Variants in SERPINB1 observed in about 807,000 individuals in gnomAD.
SERPINB1 encodes leukocyte elastase inhibitor.
A neutral mutation model predicts 25.9 loss-of-function variants in SERPINB1; 23 were observed. The observed-to-expected ratio is 0.89, with a 90% confidence interval of 0.64 to 1.26. The LOEUF (loss-of-function observed/expected upper bound fraction) is 1.26, where lower values mean the gene tolerates loss of function less well. SERPINB1 is among the 50% of genes most tolerant of loss of function. SERPINB1 has a pLI of 0.00. For missense variants in SERPINB1, 399 were observed against 463.6 expected (o/e 0.86, Z 1.28); for synonymous variants, 178 against 178.7 (o/e 1.00, Z 0.03).
chr6:2,834,931 A>G (rs1354084521), intron 6 of SERPINB1, among the ~76,000 whole-genome samples: 1 of 152,206 alleles, frequency 6.6e-6, no homozygotes, highest in Non-Finnish European at 1.5e-5. Flanking sequence ...TAGCTATTGG[A>G]CTGGAATAGA....
chr6:2,839,770 G>A (rs1288452243), intron 2 of SERPINB1, among the ~76,000 whole-genome samples: 2 of 152,208 alleles, frequency 1.3e-5, no homozygotes, highest in African/African-American at 2.4e-5. Flanking sequence ...TTATGGACAA[G>A]AAGGAAGGCT....
rs776849273 is a variant in SERPINB1, at chr6:2,840,442, T to TA, written c.144dup (p.Asn49Ter). 6.2e-7 allele frequency: 1 copy of TA among 1,614,034 alleles called. No individual in the cohort carries two copies. Among genetic ancestry groups the TA allele is most frequent in the African/African-American group, 1.3e-5 (1 of 74,938 alleles). ...ACCTTGGACAGCTGTGCTGCCGTGT[T>TA]ACCTCTGGTCCCCAGAAAAACCATG... On this transcript the variant is annotated frameshift_variant, in exon 2 of 7. Transcript: ENST00000380739. LOFTEE classifies it high-confidence loss of function.
At position 2,836,031 on chromosome 6, in the gene SERPINB1, G is replaced by GA. The variant is rs113917167; in HGVS notation, c.568-9_568-8insT. On this transcript the variant is annotated splice_polypyrimidine_tract_variant and intron_variant, in intron 5 of 6. Coordinates refer to ENST00000380739, the MANE Select transcript of SERPINB1 (RefSeq NM_030666.4). ...CACAGTTTTTCTGTCTTTCTGAACA[G>GA]TTTTAAAAAATCACTGAAATTATTC... 175 of 1,613,104 alleles carry GA rather than the reference G, an allele frequency of 1.1e-4. 1 individual carries two copies. Among genetic ancestry groups the GA allele is most frequent in the Middle Eastern group, 8.2e-4 (5 of 6,084 alleles).
chr6:2,840,397 C>T (rs145549782), intron 2 of SERPINB1, 22 bp downstream of exon 2: 28 of 1,613,228 alleles, frequency 1.7e-5, no homozygotes, highest in South Asian at 3.3e-5. Context: ...GAAAGCAGAC[C>T]CTTTTTTTTG....
chr6:2,834,286 T>C (rs1766423344), intron 6 of SERPINB1, among the ~76,000 whole-genome samples: 1 of 148,866 alleles, frequency 6.7e-6, no homozygotes, highest in Non-Finnish European at 1.5e-5. Flanking sequence ...CATCCACCCA[T>C]TTGTCCACTC....
intron 6 of SERPINB1, among the ~76,000 whole-genome samples, chr6:2,835,601 C>G (rs1401347751): frequency 2.6e-5 from 4 of 152,140 alleles, no homozygotes; most frequent in African/African-American, 7.2e-5. Flanking sequence ...ACTCAGAAGG[C>G]TGAGGCAGGA....
rs2113534604 is a variant in SERPINB1 at position 2,835,983 on chromosome 6, T to A, written c.608A>T (p.Lys203Ile). The change falls in exon 6 of 7, where the codon AAA (lysine) becomes ATA (isoleucine). Residue 203 changes from lysine to isoleucine, a missense_variant. Transcript: ENST00000380739. ...KTVKMMYQKK[K>I]FAYGYIEDLK... is the part of the protein sequence containing the mutation. ...GTCCTCGATGTAGCCATATGCAAAT[T>A]TTTTCTTCTGATACATCATTTTCAC... 1 of 1,614,190 alleles carries A rather than the reference T, an allele frequency of 6.2e-7. No individual in the cohort carries two copies. Among genetic ancestry groups the A allele is most frequent in the African/African-American group, 1.3e-5 (1 of 75,032 alleles).
Position 2,837,883 on chromosome 6 carries a change from T to A in SERPINB1, c.423A>T (p.Glu141Asp), listed in dbSNP as rs779738883. ...ATTCCATTCTGCCCAGGCTCTCACC[T>A]TCTGTCTGTCCTTTGACCCACTGGT... is the stretch of plus-strand genomic sequence containing the variant. The part of the protein sequence containing the change: ...TINQWVKGQT[E>D]GKIPELLASG... The change falls in exon 4 of 7, where the codon GAA becomes GAT. Residue 141 changes from glutamate to aspartate, a missense_variant and splice_region_variant. Coordinates refer to ENST00000380739, the MANE Select transcript of SERPINB1 (RefSeq NM_030666.4). This position sits in a 1 kb window ranked among gnomAD's most constrained non-coding sequence, Gnocchi z 4.3. The A allele has an allele frequency of 2.5e-6, 4 of 1,609,954 alleles. No individual in the cohort carries two copies. The highest frequency in any genetic ancestry group is 3.4e-6 in the Non-Finnish European group (4 of 1,176,348).
rs532393325 is a variant in SERPINB1 at position 2,839,964 on chromosome 6, A to G, written c.168+455T>C. On this transcript the variant is annotated intron_variant, in intron 2 of 6. Transcript: ENST00000380739. ...TTCCTTGCAAAAAAGCAATGCCACT[A>G]TCTCCACTATAATGCATTCCCTATG... is the stretch of plus-strand genomic sequence containing the variant. Among the ~76,000 whole-genome samples the G allele has an allele frequency of 3.9e-5, 6 of 152,362 alleles. No individual in the cohort carries two copies. In the East Asian group the frequency reaches 9.6e-4, roughly 24 times the overall value.
Position 2,837,804 on chromosome 6 carries a change from CT to C in SERPINB1, c.424+77del. 9.6e-7 allele frequency: 1 copy of C among 1,044,464 alleles called. No homozygotes were observed. Among genetic ancestry groups the C allele is most frequent in the South Asian group, 1.3e-5 (1 of 77,642 alleles). 64.7% of individuals were successfully genotyped at this position (1,044,464 alleles called of 1,614,324 possible). ...ACTGTGGGAGCTGGGGAGGGAATAACTGCAGGTAGGGAAGGCGGACTGAGGA... is the reference window on the plus strand; with the variant it reads ...ACTGTGGGAGCTGGGGAGGGAATAACGCAGGTAGGGAAGGCGGACTGAGGA... On this transcript the variant is annotated intron_variant, in intron 4 of 6. Transcript: ENST00000380739. The surrounding 1 kb of genome is among the most constrained non-coding windows in gnomAD (Gnocchi z 4.3).
At position 2,836,262 on chromosome 6, in the gene SERPINB1, T is replaced by C; in HGVS notation, c.425-12A>G. ...TTCCGGAATTTTTCCTAAAAAAAAA[T>C]CAAGTTAGCGTAAAAAAAATCCAAA... On this transcript the variant is annotated splice_polypyrimidine_tract_variant and intron_variant, in intron 4 of 6. Transcript: ENST00000380739. 1 of 1,584,634 alleles carries C rather than the reference T, an allele frequency of 6.3e-7. No individual in the cohort carries two copies. The highest frequency in any genetic ancestry group is 8.6e-7 in the Non-Finnish European group (1 of 1,168,986).
chr6:2,834,088 A>C, intron 6 of SERPINB1, 76 bp from the exon 7 acceptor site: 1 of 1,319,352 alleles, frequency 7.6e-7, no homozygotes. Flanking sequence ...TTATTGAATC[A>C]ATGGACCCAT....
rs1325318504 is a variant in SERPINB1 at position 2,841,588 on chromosome 6, G to C, written c.-9+224C>G. 1 of 152,476 alleles carries C rather than the reference G, an allele frequency of 6.6e-6. No individual in the cohort carries two copies. Among genetic ancestry groups the C allele is most frequent in the Non-Finnish European group, 1.5e-5 (1 of 68,308 alleles). The allele number at this position is 152,476 out of a possible 1,614,324, so 9.4% of individuals were successfully genotyped here. On this transcript the variant is annotated intron_variant, in intron 1 of 6. Transcript: ENST00000380739. The surrounding 1 kb of genome is among the most constrained non-coding windows in gnomAD (Gnocchi z 4.5). ...CCCTCCCTCCCTCGCGGGCTGGCCC[G>C]GCCTGTACCCAGGCGGGGGCGGGGG...
chr6:2,838,549 A>G lies in SERPINB1; in HGVS notation c.306T>C (p.Pro102=), dbSNP rs374569264. The change falls in exon 3 of 7, where the codon CCT becomes CCC. Residue 102 remains proline (P), a splice_region_variant and synonymous_variant. Transcript: ENST00000380739. ...LYGEKTYNFL[P]EFLVSTQKTY... ...AGAATGTGAAGGGCAAAGTACTTACAGGAAGGAAATTGTAAGTTTTCTCTC... is the reference window on the plus strand; with the variant it reads ...AGAATGTGAAGGGCAAAGTACTTACGGGAAGGAAATTGTAAGTTTTCTCTC... 25 of 1,595,476 alleles carry G rather than the reference A, an allele frequency of 1.6e-5. No homozygotes were observed. Among genetic ancestry groups the G allele is most frequent in the Non-Finnish European group, 2.0e-5 (24 of 1,171,986 alleles).
intron 4 of SERPINB1, 54 bp from the exon 5 acceptor site, chr6:2,836,304 G>C (rs1766493409): frequency 2.6e-6 from 4 of 1,531,228 alleles, no homozygotes; most frequent in Non-Finnish European, 2.6e-6. Flanking sequence ...TTCCAAATTT[G>C]AACTGACAAT....
Position 2,833,752 on chromosome 6 carries a change from C to A in SERPINB1, c.996G>T (p.Glu332Asp), listed in dbSNP as rs1282507987. ...SFVEVNEEGT[E>D]AAAATAGIAT... The stretch of plus-strand genomic sequence containing the variant: ...CGATGCCTGCTGTGGCAGCTGCCGC[C>A]TCTGTTCCCTCTTCATTCACTTCCA... The change falls in exon 7 of 7, where the codon GAG becomes GAT. Residue 332 changes from glutamate to aspartate, a missense_variant. By Grantham distance (45) the Glu-to-Asp change is conservative (BLOSUM62 2). Coordinates refer to ENST00000380739, the MANE Select transcript of SERPINB1 (RefSeq NM_030666.4). 4 of 1,614,030 alleles carry A rather than the reference C, an allele frequency of 2.5e-6. No homozygotes were observed. The highest frequency in any genetic ancestry group is 1.7e-5 in the Admixed American group (1 of 59,992).
In SERPINB1 at chr6:2,841,385, A is replaced by C. The variant is rs1766648857; in HGVS notation, c.-9+427T>G. The C allele has an allele frequency of 6.6e-6, 1 of 152,468 alleles. No individual in the cohort carries two copies. The highest frequency in any genetic ancestry group is 6.5e-5 in the Admixed American group (1 of 15,286). The allele number at this position is 152,468 out of a possible 1,614,324, so 9.4% of individuals were successfully genotyped here. On this transcript the variant is annotated intron_variant, in intron 1 of 6. Coordinates refer to ENST00000380739, the MANE Select transcript of SERPINB1 (RefSeq NM_030666.4). This position sits in a 1 kb window ranked among gnomAD's most constrained non-coding sequence, Gnocchi z 4.5. The stretch of plus-strand genomic sequence containing the variant: ...CTCCTTGTTGTGAAATCGTCTCTAG[A>C]ATCGCACGGGGTTCCTCCTCTCTCT...
rs771493871 is a variant in SERPINB1 at position 2,840,472 on chromosome 6, T to C, written c.115A>G (p.Met39Val). 7.4e-6 allele frequency: 12 copies of C among 1,614,042 alleles called. No individual in the cohort carries two copies. The highest frequency in any genetic ancestry group is 8.5e-6 in the Non-Finnish European group (10 of 1,180,018). Residue 39 changes from methionine to valine, a missense_variant, in exon 2 of 7, where the codon ATG (methionine) becomes GTG (valine). Coordinates refer to ENST00000380739, the MANE Select transcript of SERPINB1 (RefSeq NM_030666.4). ...FISPFSISSA[M>V]AMVFLGTRGN... is the part of the protein sequence containing the mutation. ...CTGGTCCCCAGAAAAACCATGGCCA[T>C]AGCAGATGAAATGCTGAAGGGAGAG... is the stretch of plus-strand genomic sequence containing the variant.
At chr6:2,835,392 A>C (rs1766455560) in intron 6 of SERPINB1, among the ~76,000 whole-genome samples, 1 of 152,218 alleles carries the variant, frequency 6.6e-6, no homozygotes, top group African/African-American at 2.4e-5. Flanking sequence ...CTTTTTCCTC[A>C]GTAAAACAAT....
Sources: allele counts gnomAD v4.1 joint callset (sites outside exome capture counted in the v4.1 genomes callset), GRCh38; gene constraint gnomAD v4.1.1; non-coding constraint Gnocchi (gnomAD v3.1); transcripts MANE v1.5; gene names NCBI Gene and HGNC (gene_info 2026-07-23, HGNC 2026-07-21).